Variants in DNAH6 observed in about 807,000 individuals in gnomAD.
The protein encoded by DNAH6 is axonemal beta dynein heavy chain 6.
DNAH6 carries 340 observed loss-of-function variants against 491.4 expected under a neutral mutation model. The observed-to-expected ratio is 0.69, with a 90% CI of 0.63 to 0.76. The LOEUF (loss-of-function observed/expected upper bound fraction) is 0.76, where lower values mean the gene tolerates loss of function less well. Ranked by LOEUF, DNAH6 falls within the 30% of genes least tolerant of loss-of-function variation. The pLI, the probability that DNAH6 is intolerant of heterozygous loss-of-function variation, is 0.00. For missense variants in DNAH6, 4,443 were observed against 4,972.2 expected, an observed-to-expected ratio of 0.89 and a Z score of 3.20; for synonymous variants, 1,603 against 1,686.1, an observed-to-expected ratio of 0.95 and a Z score of 1.21.
intron 5 of DNAH6, among the ~76,000 whole-genome samples, chr2:84,545,569 A>G (rs933769480): frequency 2.0e-5 from 3 of 152,152 alleles, no homozygotes; most frequent in Non-Finnish European, 4.4e-5. Flanking sequence ...ATGTGCTGAC[A>G]GTTTTCATTC....
At chr2:84,797,303 G>A (rs927045051) in intron 69 of DNAH6, among the ~76,000 whole-genome samples, 7 of 152,158 alleles carry the variant, frequency 4.6e-5, no homozygotes, top group African/African-American at 1.7e-4. Flanking sequence ...CTTTAAATGC[G>A]CTGGAGAAGG....
At position 84,805,721 on chromosome 2, in the gene DNAH6, T is replaced by C. The variant is rs1679351680; in HGVS notation, c.11538T>C (p.Ser3846=). The C allele has an allele frequency of 6.4e-7, 1 of 1,551,702 alleles. No homozygotes were observed. The highest frequency in any genetic ancestry group is 8.7e-7 in the Non-Finnish European group (1 of 1,146,978). ...NTILEVQPRS[S]TGGEGKSNDE... is the part of the protein sequence containing the mutation. ...TACTTGAGGTTCAGCCAAGGTCATC[T>C]ACTGGTGGAGAGGGAAAAAGCAATG... The change falls in exon 71 of 77, where the codon TCT becomes TCC. Residue 3846 remains serine (S), a synonymous_variant. Transcript: ENST00000389394.
chr2:84,613,606 A>AT (rs1686544073), intron 22 of DNAH6, among the ~76,000 whole-genome samples: 1 of 152,146 alleles, frequency 6.6e-6, no homozygotes, highest in African/African-American at 2.4e-5. Context: ...CATCACCACA[A>AT]TTTTGGCATT....
chr2:84,602,928 C>T (rs1408903350), intron 18 of DNAH6, among the ~76,000 whole-genome samples: 1 of 150,616 alleles, frequency 6.6e-6, no homozygotes, highest in Admixed American at 6.7e-5. Flanking sequence ...ATCTCTTATA[C>T]TGTTTTTTTT....
At chr2:84,586,850 C>T (rs924555335) in intron 15 of DNAH6, among the ~76,000 whole-genome samples, 2 of 152,192 alleles carry the variant, frequency 1.3e-5, no homozygotes, top group African/African-American at 4.8e-5. Flanking sequence ...ATTCTATACA[C>T]AGCATATGGT....
At chr2:84,521,706 C>T (rs558592035) in intron 2 of DNAH6, among the ~76,000 whole-genome samples, 2 of 152,160 alleles carry the variant, frequency 1.3e-5, no homozygotes, top group East Asian at 3.9e-4. Context: ...GCCAGTTATC[C>T]CAGTACCATT....
chr2:84,506,519 GCCTGTT>G, the DNAH6 span, among the ~76,000 whole-genome samples: 6 of 152,126 alleles, frequency 3.9e-5, no homozygotes, highest in Non-Finnish European at 7.4e-5. Flanking sequence ...TCTGTAGGTT[GCCTGTT>G]CACTCTGATG....
At chr2:84,806,914 C>T (rs1202158272) in intron 71 of DNAH6, among the ~76,000 whole-genome samples, 1 of 152,088 alleles carries the variant, frequency 6.6e-6, no homozygotes, top group African/African-American at 2.4e-5. Flanking sequence ...TTGAAGCAAA[C>T]AGAGTCATTA....
chr2:84,764,853 C>T (rs546847478), intron 64 of DNAH6, among the ~76,000 whole-genome samples: 10 of 151,992 alleles, frequency 6.6e-5, no homozygotes, highest in Admixed American at 4.6e-4. Context: ...AAGTTGATTC[C>T]GTATCGTTGC....
intron 62 of DNAH6, among the ~76,000 whole-genome samples, chr2:84,744,257 G>A (rs1024098365): frequency 2.0e-5 from 3 of 152,094 alleles, no homozygotes; most frequent in African/African-American, 7.2e-5. Context: ...TGTGCCTAAC[G>A]GCCAACCCAA....
intron 46 of DNAH6, among the ~76,000 whole-genome samples, chr2:84,696,019 A>T (rs1695352102): frequency 6.6e-6 from 1 of 152,022 alleles, no homozygotes; most frequent in African/African-American, 2.4e-5. Flanking sequence ...TATATACACA[A>T]AACATTATAA....
chr2:84,690,120 A>G (rs557410827), intron 45 of DNAH6, among the ~76,000 whole-genome samples: 4 of 152,182 alleles, frequency 2.6e-5, no homozygotes, highest in Non-Finnish European at 5.9e-5. Context: ...TGAGAGTAGG[A>G]TTTCCCATGG....
At chr2:84,772,527 G>A (rs1675727507) in intron 64 of DNAH6, among the ~76,000 whole-genome samples, 1 of 151,960 alleles carries the variant, frequency 6.6e-6, no homozygotes, top group African/African-American at 2.4e-5. Flanking sequence ...GAAAAAAATA[G>A]ACTTCAAGAC....
the DNAH6 span, among the ~76,000 whole-genome samples, chr2:84,510,308 G>A: frequency 0.025 from 3,746 of 151,946 alleles, 146 homozygotes; most frequent in African/African-American, 0.085. Context: ...TTCTCTTCTC[G>A]CTTCATTTCA....
chr2:84,568,371 G>A (rs373332664), intron 11 of DNAH6, among the ~76,000 whole-genome samples: 19 of 152,192 alleles, frequency 1.2e-4, no homozygotes, highest in African/African-American at 3.6e-4. Flanking sequence ...TATATATACC[G>A]TGGAATACTG....
chr2:84,525,803 A>T, intron 3 of DNAH6, 65 bp downstream of exon 3: 2 of 1,202,140 alleles, frequency 1.7e-6, no homozygotes, highest in East Asian at 2.6e-5. Flanking sequence ...CATTGCTAGC[A>T]TACTTTTAAC....
chr2:84,689,095 A>G (rs1694590794), intron 45 of DNAH6, among the ~76,000 whole-genome samples: 1 of 152,218 alleles, frequency 6.6e-6, no homozygotes, highest in Non-Finnish European at 1.5e-5. Flanking sequence ...CACTTCCTGA[A>G]GTGGCTCCTG....
Position 84,704,322 on chromosome 2 carries a change from G to A in DNAH6, c.8465+20G>A. ...TGCCAAGTGAGTAATTCAGAGTCAT[G>A]TATTGCCATGATACCTGGTAAGAGT... is the stretch of plus-strand genomic sequence containing the variant. On this transcript the variant is annotated intron_variant, in intron 51 of 76. Transcript: ENST00000389394. The A allele has an allele frequency of 6.7e-7, 1 of 1,500,992 alleles. No individual in the cohort carries two copies. The highest frequency in any genetic ancestry group is 1.7e-4 in the Middle Eastern group (1 of 5,914). The allele number at this position is 1,500,992 out of a possible 1,614,324, so 93.0% of individuals were successfully genotyped here. A position where few individuals can be genotyped will look rare whatever the true frequency, so the allele number is the denominator to read the frequency against.
intron 16 of DNAH6, among the ~76,000 whole-genome samples, chr2:84,590,095 G>A (rs1683960181): frequency 6.6e-6 from 1 of 152,116 alleles, no homozygotes; most frequent in Non-Finnish European, 1.5e-5. Context: ...GATACTTGAG[G>A]CAGATTTGTG....
Sources: allele counts gnomAD v4.1 joint callset (sites outside exome capture counted in the v4.1 genomes callset), GRCh38; gene constraint gnomAD v4.1.1; transcripts MANE v1.5; gene names NCBI Gene and HGNC (gene_info 2026-07-23, HGNC 2026-07-21).